KLRG1: variants seen among roughly 807,000 people sequenced by gnomAD.
KLRG1 encodes the protein killer cell lectin like receptor G1.
KLRG1 carries 16 observed loss-of-function variants against 21.8 expected under a neutral mutation model. The ratio of observed to expected loss-of-function variants is 0.73; its 90% CI spans 0.50 to 1.11. The LOEUF is 1.11. Ranked by LOEUF, KLRG1 falls within the 50% of genes most tolerant of loss-of-function variation. KLRG1 has a pLI of 0.00. For synonymous variants in KLRG1, 69 were observed against 75.9 expected (o/e 0.91, Z 0.47); for missense variants, 173 against 218.3 (o/e 0.79, Z 1.31).
the KLRG1 span, among the ~76,000 whole-genome samples, chr12:9,096,237 C>T: frequency 9.1e-4 from 138 of 152,276 alleles, no homozygotes; most frequent in African/African-American, 3.2e-3. Flanking sequence ...CATCTAAGTA[C>T]TCATCTAAGT....
At chr12:9,090,001 G>C in the KLRG1 span, 2 of 1,596,544 alleles carry the variant, frequency 1.3e-6, no homozygotes, top group Non-Finnish European at 1.7e-6. Context: ...GTGCCTCTGC[G>C]CTCACAGTGA....
chr12:9,147,392 T>A, the KLRG1 span, among the ~76,000 whole-genome samples: 1 of 152,202 alleles, frequency 6.6e-6, no homozygotes, highest in Non-Finnish European at 1.5e-5. Context: ...AGCTGGGAGC[T>A]AGGGGGCCTC....
chr12:9,203,731 T>A, the KLRG1 span: 1 of 1,609,240 alleles, frequency 6.2e-7, no homozygotes. Context: ...ATAAAATGTA[T>A]CAAGCAGGGA....
the KLRG1 span, among the ~76,000 whole-genome samples, chr12:9,073,029 T>G: frequency 7.9e-4 from 120 of 152,342 alleles, no homozygotes; most frequent in African/African-American, 2.7e-3. Flanking sequence ...AATCTTTAGA[T>G]AGTTGAAGAA....
At chr12:9,150,790 T>G in the KLRG1 span, 1 of 1,247,098 alleles carries the variant, frequency 8.0e-7, no homozygotes, top group South Asian at 1.2e-5. Context: ...GAAAACCTCC[T>G]TCTTTCTCCC....
At chr12:9,166,225 A>G in the KLRG1 span, 926 of 1,604,888 alleles carry the variant, frequency 5.8e-4, 3 homozygotes, top group Middle Eastern at 4.8e-3. Context: ...AAAATTGTCT[A>G]GTTAGGGAAA....
At chr12:9,094,793 C>T in the KLRG1 span, among the ~76,000 whole-genome samples, 1 of 152,172 alleles carries the variant, frequency 6.6e-6, no homozygotes, top group Non-Finnish European at 1.5e-5. Context: ...CAGCCTAACA[C>T]ATGTACCTCC....
the KLRG1 span, among the ~76,000 whole-genome samples, chr12:9,071,569 T>C: frequency 3.9e-5 from 6 of 152,188 alleles, no homozygotes; most frequent in Non-Finnish European, 8.8e-5. Context: ...AATTGTTGTT[T>C]TTTTCTGATC....
the KLRG1 span, chr12:9,115,940 G>A: frequency 1.9e-6 from 2 of 1,042,722 alleles, no homozygotes; most frequent in African/African-American, 3.1e-5. Context: ...CAAAGCAACT[G>A]GGCTTTATGC....
chr12:9,113,287 T>C, the KLRG1 span: 13 of 1,512,586 alleles, frequency 8.6e-6, no homozygotes, highest in Non-Finnish European at 1.2e-5. Context: ...CAAAGCCTCA[T>C]CTGACAGAAT....
At chr12:9,091,080 T>C in the KLRG1 span, 1 of 1,263,424 alleles carries the variant, frequency 7.9e-7, no homozygotes. Flanking sequence ...CCTGTAACTT[T>C]TACAATCATG....
At chr12:9,152,377 A>G in the KLRG1 span, 1 of 1,165,688 alleles carries the variant, frequency 8.6e-7, no homozygotes, top group Middle Eastern at 2.0e-4. Flanking sequence ...TCTGCTTTCA[A>G]GCATCACTTT....
the KLRG1 span, among the ~76,000 whole-genome samples, chr12:9,020,879 A>G: frequency 6.6e-6 from 1 of 152,214 alleles, no homozygotes. Context: ...CAAATTCATC[A>G]TCGTGGCAAC....
intron 1 of KLRG1, among the ~76,000 whole-genome samples, chr12:8,977,182 G>T (rs1042909471): frequency 6.7e-6 from 1 of 149,902 alleles, no homozygotes; most frequent in Non-Finnish European, 1.5e-5. Context: ...TGAGTTTCTT[G>T]TAGACATTGC....
At chr12:9,194,771 G>A in the KLRG1 span, among the ~76,000 whole-genome samples, 1 of 152,064 alleles carries the variant, frequency 6.6e-6, no homozygotes, top group Non-Finnish European at 1.5e-5. Context: ...GCCAAAGTCA[G>A]GGAGATTTTT....
At chr12:9,101,395 C>T in the KLRG1 span, 14 of 1,480,292 alleles carry the variant, frequency 9.5e-6, no homozygotes, top group Non-Finnish European at 1.3e-5. Flanking sequence ...TTACTTGCTC[C>T]ACAGAGAGCT....
the KLRG1 span, among the ~76,000 whole-genome samples, chr12:9,179,450 T>C: frequency 6.6e-6 from 1 of 152,178 alleles, no homozygotes; most frequent in African/African-American, 2.4e-5. Context: ...GTCACCCCCA[T>C]GAATTAATAT....
chr12:9,053,545 G>C, the KLRG1 span, among the ~76,000 whole-genome samples: 1 of 152,024 alleles, frequency 6.6e-6, no homozygotes. Context: ...TTTCTTCCTT[G>C]ATTTAACCCA....
At chr12:9,027,139 A>T in the KLRG1 span, among the ~76,000 whole-genome samples, 1 of 152,056 alleles carries the variant, frequency 6.6e-6, no homozygotes, top group Non-Finnish European at 1.5e-5. Context: ...GCATTACTTC[A>T]CATATTTGTG....
Sources: gnomAD v4.1 joint callset for allele counts (sites outside exome capture counted in the v4.1 genomes callset) on GRCh38, gnomAD v4.1.1 for gene constraint, MANE v1.5 for transcripts, NCBI Gene and HGNC (gene_info 2026-07-23, HGNC 2026-07-21) for gene names.